The following CDH1 variants were observed in gnomAD, a reference collection of about 807,000 sequenced individuals.
CDH1 encodes the protein cadherin-1.
Under a neutral mutation model 84.5 loss-of-function variants are expected in CDH1, and 35 were observed. The observed-to-expected ratio is 0.41, with a 90% CI of 0.32 to 0.55. The LOEUF (loss-of-function observed/expected upper bound fraction) is 0.55, where lower values mean the gene tolerates loss of function less well. CDH1 is among the 20% of genes least tolerant of loss of function. The pLI, the probability that CDH1 is intolerant of heterozygous loss-of-function variation, is 0.19. For missense variants in CDH1, 994 were observed against 1,126.6 expected, an observed-to-expected ratio of 0.88 and a Z score of 1.68; for synonymous variants, 417 against 439.0, an observed-to-expected ratio of 0.95 and a Z score of 0.63.
Position 68,823,486 on chromosome 16 carries a change from A to C in CDH1, c.2024A>C (p.Lys675Thr), listed in dbSNP as rs876660230. ...CTCAAGCTCATGGATAACCAGAATA[A>C]AGACCAAGTGACCACCTTAGAGGTC... Reference protein sequence around the residue: ...INLKLMDNQNKDQVTTLEVSV... With the variant: ...INLKLMDNQNTDQVTTLEVSV... Residue 675 changes from lysine to threonine, a missense_variant, in exon 13 of 16, where the codon AAA becomes ACA. Physicochemically the swap from Lys to Thr is moderately conservative, Grantham distance 78. Around this residue, in one of 3 missense-constraint regions of CDH1, gnomAD observed 769 missense variants for 881.8 expected, o/e 0.87. Coordinates refer to ENST00000261769, the MANE Select transcript of CDH1 (RefSeq NM_004360.5). 1 of 1,614,098 alleles carries C rather than the reference A, an allele frequency of 6.2e-7. No homozygotes were observed. The highest frequency in any genetic ancestry group is 8.5e-7 in the Non-Finnish European group (1 of 1,179,978).
chr16:68,808,151 T>C (rs1960716493), intron 3 of CDH1, among the ~76,000 whole-genome samples: 3 of 152,200 alleles, frequency 2.0e-5, no homozygotes, highest in Non-Finnish European at 4.4e-5. Flanking sequence ...AATACTTGTG[T>C]ATGCATGATG....
chr16:68,761,032 A>C (rs1254525293), intron 2 of CDH1, among the ~76,000 whole-genome samples: 1 of 152,198 alleles, frequency 6.6e-6, no homozygotes, highest in African/African-American at 2.4e-5. Context: ...GTGAAACTGA[A>C]CTTCCGGTCC....
chr16:68,770,602 G>A (rs1166250068), intron 2 of CDH1, among the ~76,000 whole-genome samples: 1 of 151,960 alleles, frequency 6.6e-6, no homozygotes, highest in Non-Finnish European at 1.5e-5. Flanking sequence ...ACGGGGTAGG[G>A]AGTGCCTGGG....
chr16:68,739,064 T>G (rs1962488909), intron 2 of CDH1, among the ~76,000 whole-genome samples: 1 of 145,908 alleles, frequency 6.9e-6, no homozygotes, highest in South Asian at 2.3e-4. Flanking sequence ...CCTTCCCATC[T>G]CAGCCTCCCT....
At chr16:68,765,473 A>G (rs1959342254) in intron 2 of CDH1, 1 of 152,300 alleles carries the variant, frequency 6.6e-6, no homozygotes, top group African/African-American at 2.4e-5. Context: ...GGCGTGAGCC[A>G]CTGCGCCTGG....
intron 2 of CDH1, among the ~76,000 whole-genome samples, chr16:68,795,046 T>C (rs1960322116): frequency 6.6e-6 from 1 of 152,172 alleles, no homozygotes; most frequent in South Asian, 2.1e-4. Flanking sequence ...GGTTTCACTA[T>C]GTTGCTCAGG....
chr16:68,804,251 C>T (rs919563386), intron 3 of CDH1, among the ~76,000 whole-genome samples: 8 of 151,582 alleles, frequency 5.3e-5, no homozygotes, highest in African/African-American at 1.9e-4. Context: ...GTAGCTGAGA[C>T]TACAGGCATC....
intron 2 of CDH1, among the ~76,000 whole-genome samples, chr16:68,754,902 A>G (rs1962979186): frequency 6.6e-6 from 1 of 152,260 alleles, no homozygotes; most frequent in South Asian, 2.1e-4. Flanking sequence ...GATAAAAACT[A>G]TGCATTGGGG....
chr16:68,812,111 T>C, intron 7 of CDH1, 24 bp from the exon 8 acceptor site: 2 of 1,614,020 alleles, frequency 1.2e-6, no homozygotes, highest in South Asian at 2.2e-5. Flanking sequence ...TGGTCCTGAC[T>C]TGGTTGTGTC....
intron 2 of CDH1, among the ~76,000 whole-genome samples, chr16:68,774,386 G>A (rs147351207): frequency 4.6e-5 from 7 of 152,052 alleles, no homozygotes; most frequent in East Asian, 3.9e-4. Flanking sequence ...TGGGCGTGGC[G>A]GTGGGTGCCT....
chr16:68,740,398 C>G (rs1962531595), intron 2 of CDH1, among the ~76,000 whole-genome samples: 2 of 152,080 alleles, frequency 1.3e-5, no homozygotes, highest in Admixed American at 6.6e-5. Flanking sequence ...GAAGTTATCT[C>G]TAACTCCTGG....
intron 12 of CDH1, chr16:68,822,518 G>A (rs1374343942): frequency 1.9e-6 from 1 of 538,994 alleles, no homozygotes; most frequent in African/African-American, 1.9e-5. Flanking sequence ...CATCTTCTCT[G>A]CTACCTCCTG....
Position 68,823,480 on chromosome 16 carries a change from A to G in CDH1, c.2018A>G (p.Gln673Arg), listed in dbSNP as rs2152139396. 6.2e-7 allele frequency: 1 copy of G among 1,614,156 alleles called. No individual in the cohort carries two copies. The highest frequency in any genetic ancestry group is 8.5e-7 in the Non-Finnish European group (1 of 1,180,006). Residue 673 changes from glutamine (Q) to arginine (R), a missense_variant, in exon 13 of 16, where the codon CAG becomes CGG. By Grantham distance (43) the Gln-to-Arg change is conservative. Around this residue, in one of 3 missense-constraint regions of CDH1, gnomAD observed 769 missense variants for 881.8 expected, o/e 0.87. Coordinates refer to ENST00000261769, the MANE Select transcript of CDH1 (RefSeq NM_004360.5). ...ATCAATCTCAAGCTCATGGATAACC[A>G]GAATAAAGACCAAGTGACCACCTTA... is the stretch of plus-strand genomic sequence containing the variant. ...YKINLKLMDN[Q>R]NKDQVTTLEV...
intron 2 of CDH1, among the ~76,000 whole-genome samples, chr16:68,754,342 G>T (rs1962967907): frequency 1.3e-5 from 2 of 152,072 alleles, no homozygotes; most frequent in Non-Finnish European, 2.9e-5. Flanking sequence ...GACCACAGAG[G>T]TCAAGGCTGC....
intron 2 of CDH1, among the ~76,000 whole-genome samples, chr16:68,782,058 G>A (rs7185490): frequency 0.016 from 2,505 of 152,288 alleles, 81 homozygotes; most frequent in African/African-American, 0.058. Context: ...GGCAGCTGCT[G>A]TTCCCCATGG....
At chr16:68,746,064 G>C (rs977173508) in intron 2 of CDH1, among the ~76,000 whole-genome samples, 15 of 152,170 alleles carry the variant, frequency 9.9e-5, no homozygotes, top group Non-Finnish European at 2.1e-4. Context: ...TGATCTGCCT[G>C]CCTCAACCTC....
chr16:68,763,284 G>A (rs1959279573), intron 2 of CDH1: 2 of 152,192 alleles, frequency 1.3e-5, no homozygotes, highest in South Asian at 4.1e-4. Flanking sequence ...GGAGACAGAA[G>A]GGGAGAAACA....
intron 2 of CDH1, among the ~76,000 whole-genome samples, chr16:68,793,550 A>G (rs979047490): frequency 2.0e-5 from 3 of 152,196 alleles, no homozygotes; most frequent in African/African-American, 7.2e-5. Flanking sequence ...CCGTCACTTC[A>G]TAGCTATGGA....
At position 68,803,784 on chromosome 16, in the gene CDH1, G is replaced by A. The variant is rs182129871; in HGVS notation, c.387+1891G>A. The stretch of plus-strand genomic sequence containing the variant: ...CCTCCATGTCTGCTGTATCATGATT[G>A]GGTTCAAGTGCATGTTATATAAATC... On this transcript the variant is annotated intron_variant, in intron 3 of 15. Transcript: ENST00000261769. Among the ~76,000 whole-genome samples the A allele has an allele frequency of 1.0e-3, 158 of 152,216 alleles. 1 individual carries two copies. Among genetic ancestry groups the A allele is most frequent in the Middle Eastern group, 6.8e-3 (2 of 294 alleles).
Sources: gnomAD v4.1 joint callset for allele counts (sites outside exome capture counted in the v4.1 genomes callset) on GRCh38, gnomAD v4.1.1 for gene constraint, gnomAD v4.1.1 regional missense constraint, MANE v1.5 for transcripts, NCBI Gene and HGNC (gene_info 2026-07-23, HGNC 2026-07-21) for gene names.